Variants in MAST1 observed in about 807,000 individuals in gnomAD.
MAST1 encodes microtubule-associated serine/threonine-protein kinase 1.
A neutral mutation model predicts 124.6 loss-of-function variants in MAST1; 40 were observed. The observed-to-expected ratio is 0.32, with a 90% CI of 0.25 to 0.42. The LOEUF (loss-of-function observed/expected upper bound fraction) is 0.42, where lower values mean the gene tolerates loss of function less well. Among genes scored for constraint, MAST1 ranks in the 10% least tolerant of loss-of-function variants. MAST1 has a pLI of 1.00. For missense variants in MAST1, 1,558 were observed against 2,181.9 expected (o/e 0.71, Z 5.70); for synonymous variants, 938 against 939.4 (o/e 1.00, Z 0.03).
At chr19:12,852,292 GAACCC>G (rs754142333) in intron 9 of MAST1, 31 bp from the exon 10 acceptor site, 1 of 1,614,152 alleles carries the variant, frequency 6.2e-7, no homozygotes, top group South Asian at 1.1e-5. Flanking sequence ...AGCAGGCCCA[GAACCC>G]AGCTCGTGCT....
intron 12 of MAST1, among the ~76,000 whole-genome samples, chr19:12,861,345 T>C (rs1165414052): frequency 6.6e-6 from 1 of 152,096 alleles, no homozygotes; most frequent in Non-Finnish European, 1.5e-5. Flanking sequence ...ATTACAGGCA[T>C]GAGCCACCAT....
chr19:12,862,080 C>T (rs896479036), intron 12 of MAST1, among the ~76,000 whole-genome samples: 1 of 149,070 alleles, frequency 6.7e-6, no homozygotes. Flanking sequence ...TCTCGGATTA[C>T]TGCAGCCTCC....
rs1970149814 is a variant in MAST1 at position 12,866,066 on chromosome 19, C to A, written c.1993C>A (p.His665Asn). 6.2e-7 allele frequency: 1 copy of A among 1,614,034 alleles called. No individual in the cohort carries two copies. The highest frequency in any genetic ancestry group is 1.7e-5 in the Admixed American group (1 of 60,010). The change falls in exon 17 of 26, where the codon CAC becomes AAC. Residue 665 changes from histidine (H) to asparagine (N), a missense_variant. This residue lies in a region of MAST1 where 145 missense variants were observed against 350.0 expected (regional missense o/e 0.41). Transcript: ENST00000251472. The surrounding 1 kb of genome is among the most constrained non-coding windows in gnomAD (Gnocchi z 5.2). ...GAGGCAGAAGGCCGAGTTCATCCCC[C>A]ACCTAGAGTCGGAAGATGACACTAG... is the stretch of plus-strand genomic sequence containing the variant. ...LLRQKAEFIP[H>N]LESEDDTSYF...
At chr19:12,868,391 G>A (rs913569039) in intron 20 of MAST1, among the ~76,000 whole-genome samples, 4 of 151,880 alleles carry the variant, frequency 2.6e-5, no homozygotes, top group African/African-American at 9.7e-5. Context: ...TTACAGTCGT[G>A]AGCCACCACA....
Position 12,865,520 on chromosome 19 carries a change from T to A in MAST1, c.1804+39T>A, listed in dbSNP as rs765099276. 6.5e-7 allele frequency: 1 copy of A among 1,540,842 alleles called. No individual in the cohort carries two copies. The highest frequency in any genetic ancestry group is 8.7e-7 in the Non-Finnish European group (1 of 1,144,070). ...CAGTGTACAGGGGCAGAGTGTGGTG[T>A]GCACGGAGAGATGGACAGGCTCAGG... On this transcript the variant is annotated intron_variant, in intron 15 of 25. Transcript: ENST00000251472. The surrounding 1 kb of genome is among the most constrained non-coding windows in gnomAD (Gnocchi z 7.1).
chr19:12,862,511 C>G (rs903907601), intron 12 of MAST1, among the ~76,000 whole-genome samples: 24 of 152,082 alleles, frequency 1.6e-4, no homozygotes, highest in African/African-American at 5.8e-4. Context: ...TTAAGAAAAT[C>G]CATTTGGAGG....
Position 12,865,318 on chromosome 19 carries a change from G to A in MAST1, c.1641G>A (p.Val547=). ...GTGGGCTGACAGCCTGCCCCCAGGTGTGTGGGACCCCAGAGTACATCGCGC... is the reference window on the plus strand; with the variant it reads ...GTGGGCTGACAGCCTGCCCCCAGGTATGTGGGACCCCAGAGTACATCGCGC... ...KDAREFLDKQ[V]CGTPEYIAPE... Residue 547 remains valine (V), a splice_region_variant and synonymous_variant, in exon 15 of 26, where the codon GTG becomes GTA. Coordinates refer to ENST00000251472, the MANE Select transcript of MAST1 (RefSeq NM_014975.3). This position sits in a 1 kb window ranked among gnomAD's most constrained non-coding sequence, Gnocchi z 7.1. 3 of 1,589,652 alleles carry A rather than the reference G, an allele frequency of 1.9e-6. No individual in the cohort carries two copies. The highest frequency in any genetic ancestry group is 2.6e-6 in the Non-Finnish European group (3 of 1,168,328).
intron 12 of MAST1, among the ~76,000 whole-genome samples, chr19:12,860,494 G>C (rs1244393101): frequency 1.5e-5 from 2 of 136,120 alleles, no homozygotes; most frequent in Non-Finnish European, 3.0e-5. Context: ...CACCAGGCTC[G>C]AATGCAGTGG....
chr19:12,839,940 C>G (rs956873884), intron 1 of MAST1, among the ~76,000 whole-genome samples: 47 of 152,280 alleles, frequency 3.1e-4, no homozygotes, highest in Admixed American at 2.8e-3. Context: ...TACAACCTGC[C>G]TGTGTTACAG....
rs369090045 is a variant in MAST1, at chr19:12,838,946, G to C, written c.83+291G>C. On this transcript the variant is annotated intron_variant, in intron 1 of 25. Transcript: ENST00000251472. This position sits in a 1 kb window ranked among gnomAD's most constrained non-coding sequence, Gnocchi z 4.3. ...GCTCCAACAGCCTGGTGGGGGTAGA[G>C]GAAGAAGGGGAGGCTGGGGGGCTTG... is the stretch of plus-strand genomic sequence containing the variant. Among the ~76,000 whole-genome samples, 22 of 152,124 alleles carry C rather than the reference G, an allele frequency of 1.4e-4. No homozygotes were observed. In the East Asian group the frequency reaches 4.3e-3, roughly 30 times the overall value.
At position 12,871,093 on chromosome 19, in the gene MAST1, G is replaced by T. The variant is rs1970228057; in HGVS notation, c.3184G>T (p.Gly1062Cys). 6.2e-7 allele frequency: 1 copy of T among 1,614,046 alleles called. No homozygotes were observed. Among genetic ancestry groups the T allele is most frequent in the South Asian group, 1.1e-5 (1 of 91,080 alleles). ...CTTCGAAAATACCTCTATCCGCATT[G>T]GTCCCGCAAGGCGCAGCAGCTACAA... ...TPFENTSIRIGPARRSSYKAK... is the reference protein window; with the variant it reads ...TPFENTSIRICPARRSSYKAK... Residue 1062 changes from glycine (G) to cysteine (C), a missense_variant, in exon 24 of 26, where the codon GGT becomes TGT. Gly to Cys is a radical substitution (Grantham distance 159). Around this residue, in one of 10 missense-constraint regions of MAST1, gnomAD observed 291 missense variants for 475.8 expected, o/e 0.61. Transcript: ENST00000251472.
At chr19:12,846,211 T>G (rs73004640) in intron 4 of MAST1, among the ~76,000 whole-genome samples, 1 of 151,878 alleles carries the variant, frequency 6.6e-6, no homozygotes, top group East Asian at 1.9e-4. Flanking sequence ...CTCTCTCTTT[T>G]TAACTTTAAA....
In MAST1 at chr19:12,865,145, C is replaced by A. The variant is rs749230751; in HGVS notation, c.1605C>A (p.Ile535=). The change falls in exon 14 of 26, where the codon ATC becomes ATA. Residue 535 remains isoleucine (I), a synonymous_variant. Transcript: ENST00000251472. This position sits in a 1 kb window ranked among gnomAD's most constrained non-coding sequence, Gnocchi z 7.1. The stretch of plus-strand genomic sequence containing the variant: ...CCACCAACTTATATGAAGGCCACAT[C>A]GAGAAGGACGCCCGAGAGTTCCTGG... ...SLTTNLYEGH[I]EKDAREFLDK... The A allele has an allele frequency of 6.2e-7, 1 of 1,614,084 alleles. No individual in the cohort carries two copies. Among genetic ancestry groups the A allele is most frequent in the Admixed American group, 1.7e-5 (1 of 60,008 alleles).
At position 12,868,103 on chromosome 19, in the gene MAST1, A is replaced by ATT. The variant is rs34988246; in HGVS notation, c.2566+148_2566+149dup. The ATT allele has an allele frequency of 8.1e-3, 2,596 of 320,762 alleles. 57 individuals carry two copies. Among genetic ancestry groups the ATT allele is most frequent in the African/African-American group, 0.024 (573 of 23,738 alleles). The allele number at this position is 320,762 out of a possible 1,614,324, so 19.9% of individuals were successfully genotyped here. A position where few individuals can be genotyped will look rare whatever the true frequency, so the allele number is the denominator to read the frequency against. ...GGTCCTATTCACATTGCAATTTGGG[A>ATT]TTTTTTTTTTTTTTTTTTTTTTTGA... is the stretch of plus-strand genomic sequence containing the variant. On this transcript the variant is annotated intron_variant, in intron 20 of 25. Transcript: ENST00000251472.
At chr19:12,868,102 G>GCTTTTTTTTTT (rs1568414424) in intron 20 of MAST1, 125 bp downstream of exon 20, 1 of 533,862 alleles carries the variant, frequency 1.9e-6, no homozygotes. Flanking sequence ...TGCAATTTGG[G>GCTTTTTTTTTT]ATTTTTTTTT....
chr19:12,846,738 C>T (rs938212166), intron 4 of MAST1, among the ~76,000 whole-genome samples: 1 of 151,894 alleles, frequency 6.6e-6, no homozygotes, highest in Non-Finnish European at 1.5e-5. Flanking sequence ...ATTAGCCAGG[C>T]GTGGTGACAG....
Position 12,874,581 on chromosome 19 carries a change from G to A in MAST1, c.4424G>A (p.Arg1475Gln). 1 of 1,507,102 alleles carries A rather than the reference G, an allele frequency of 6.6e-7. No individual in the cohort carries two copies. 93.4% of individuals were successfully genotyped at this position (1,507,102 alleles called of 1,614,324 possible). A position where few individuals can be genotyped will look rare whatever the true frequency, so the allele number is the denominator to read the frequency against. The change falls in exon 26 of 26, where the codon CGG becomes CAG. Residue 1475 changes from arginine to glutamine, a missense_variant. By Grantham distance (43) the Arg-to-Gln change is conservative. Coordinates refer to ENST00000251472, the MANE Select transcript of MAST1 (RefSeq NM_014975.3). The surrounding 1 kb of genome is among the most constrained non-coding windows in gnomAD (Gnocchi z 6.6). The stretch of plus-strand genomic sequence containing the variant: ...GCGCCTTCCGTGCCCGAGGCCCCCC[G>A]GGGCCGGGAGCGCTGGGTGTTGGAG... ...PLAPSVPEAP[R>Q]GRERWVLEVV...
Position 12,851,947 on chromosome 19 carries a change from C to A in MAST1, c.788C>A (p.Ser263Tyr). The A allele has an allele frequency of 1.2e-6, 2 of 1,613,918 alleles. No homozygotes were observed. Among genetic ancestry groups the A allele is most frequent in the South Asian group, 2.2e-5 (2 of 91,020 alleles). ...EKLLQDAYER[S>Y]ESLEVAFVTQ... is the part of the protein sequence containing the mutation. The stretch of plus-strand genomic sequence containing the variant: ...CCCCTGCCACAGGCCTATGAACGCT[C>A]TGAGAGCTTGGAGGTGGCCTTCGTT... The change falls in exon 8 of 26, where the codon TCT (serine) becomes TAT (tyrosine). Residue 263 changes from serine (S) to tyrosine (Y), a missense_variant. Physicochemically the swap from Ser to Tyr is moderately radical, Grantham distance 144 (BLOSUM62 -2). This residue lies in a region of MAST1 where 165 missense variants were observed against 315.3 expected (regional missense o/e 0.52). Transcript: ENST00000251472.
intron 7 of MAST1, among the ~76,000 whole-genome samples, chr19:12,849,558 G>T (rs931792549): frequency 6.6e-6 from 1 of 151,946 alleles, no homozygotes; most frequent in African/African-American, 2.4e-5. Flanking sequence ...CAGCTACTCA[G>T]GAGGCTGAAG....
Sources: gnomAD v4.1 joint callset for allele counts (sites outside exome capture counted in the v4.1 genomes callset) on GRCh38, gnomAD v4.1.1 for gene constraint, gnomAD v4.1.1 regional missense constraint, Gnocchi (gnomAD v3.1) non-coding constraint, MANE v1.5 for transcripts, NCBI Gene and HGNC (gene_info 2026-07-23, HGNC 2026-07-21) for gene names.